R3HDM2: variants seen among roughly 807,000 people sequenced by gnomAD.
R3HDM2 encodes the protein R3H domain containing 2, also known as R3H domain-containing protein 2.
R3HDM2 carries 38 observed loss-of-function variants against 124.5 expected under a neutral mutation model. The ratio of observed to expected loss-of-function variants is 0.31; its 90% CI spans 0.24 to 0.40. The LOEUF (loss-of-function observed/expected upper bound fraction) is 0.40, where lower values mean the gene tolerates loss of function less well. R3HDM2 is among the 10% of genes least tolerant of loss of function. The pLI is 1.00. For missense variants in R3HDM2, 869 were observed against 1,236.9 expected, an observed-to-expected ratio of 0.70 and a Z score of 4.46; for synonymous variants, 391 against 448.0, an observed-to-expected ratio of 0.87 and a Z score of 1.61.
chr12:57,417,847 T>C (rs949429081), intron 1 of R3HDM2, among the ~76,000 whole-genome samples: 1 of 152,182 alleles, frequency 6.6e-6, no homozygotes, highest in Non-Finnish European at 1.5e-5. Context: ...TAGGCTACCT[T>C]GGTCCCAAAA....
chr12:57,330,497 C>A (rs1378076728), intron 2 of R3HDM2, among the ~76,000 whole-genome samples: 1 of 150,532 alleles, frequency 6.6e-6, no homozygotes, highest in African/African-American at 2.4e-5. Context: ...GCACGCACCA[C>A]CACGCCCAGC....
chr12:57,282,313 GGAAA>G (rs2046353544), intron 13 of R3HDM2, among the ~76,000 whole-genome samples: 1 of 141,960 alleles, frequency 7.0e-6, no homozygotes, highest in African/African-American at 2.6e-5. Flanking sequence ...AAAAAAAAAA[GGAAA>G]GAAAGAAATG....
At chr12:57,279,314 C>A (rs1335734495) in intron 14 of R3HDM2, among the ~76,000 whole-genome samples, 1 of 150,978 alleles carries the variant, frequency 6.6e-6, no homozygotes, top group African/African-American at 2.4e-5. Flanking sequence ...TCCCTAGTAG[C>A]TGGGATTACA....
At chr12:57,324,844 A>ATGTGACTG (rs1389631815) in intron 2 of R3HDM2, among the ~76,000 whole-genome samples, 10 of 152,216 alleles carry the variant, frequency 6.6e-5, no homozygotes, top group African/African-American at 2.2e-4. Flanking sequence ...GTACCTCAGA[A>ATGTGACTG]TGTGACTGTA....
rs1230027199 is a variant in R3HDM2 at position 57,299,402 on chromosome 12, T to A, written c.371A>T (p.Glu124Val). 6.5e-7 allele frequency: 1 copy of A among 1,547,948 alleles called. No homozygotes were observed. The highest frequency in any genetic ancestry group is 2.4e-5 in the East Asian group (1 of 40,898). The change falls in exon 6 of 24, where the codon GAA becomes GTA. Residue 124 changes from glutamate to valine, a missense_variant. Physicochemically the swap from Glu to Val is moderately radical, Grantham distance 121 (BLOSUM62 -2). Around this residue, in one of 2 missense-constraint regions of R3HDM2, gnomAD observed 267 missense variants for 447.7 expected, o/e 0.60. Coordinates refer to ENST00000402412, the MANE Select transcript of R3HDM2 (RefSeq NM_001394031.1). ...CTTTTCTTTGTTTTTGTCCTTGTCT[T>A]CCTTTTCAGAGACATCTTTTGTGGA... ...EKSTKDVSEK[E>V]DKDKNKEKIP...
At position 57,299,247 on chromosome 12, in the gene R3HDM2, A is replaced by G. The variant is rs993384163; in HGVS notation, c.421+105T>C. Reference sequence around the variant, plus strand: ...TCTCCTCAAGCAACCAAGTTAGCAGAACACTACAAATTGATGGGCCAGTAA... The same window carrying G: ...TCTCCTCAAGCAACCAAGTTAGCAGGACACTACAAATTGATGGGCCAGTAA... On this transcript the variant is annotated intron_variant, in intron 6 of 23. Transcript: ENST00000402412. 4.6e-6 allele frequency: 6 copies of G among 1,300,354 alleles called. 1 individual carries two copies. The Admixed American group carries it at 1.5e-4, about 33-fold the overall frequency. 80.6% of individuals were successfully genotyped at this position (1,300,354 alleles called of 1,614,324 possible). A position where few individuals can be genotyped will look rare whatever the true frequency, so the allele number is the denominator to read the frequency against.
chr12:57,430,683 C>T, intron 1 of R3HDM2, 37 bp downstream of exon 1: 1 of 722,320 alleles, frequency 1.4e-6, no homozygotes, highest in Non-Finnish European at 1.7e-6. Context: ...ACAGGCCGTC[C>T]GGGCCGCCCG....
At chr12:57,288,398 A>C (rs11172143) in intron 12 of R3HDM2, among the ~76,000 whole-genome samples, 64,451 of 147,470 alleles carry the variant, frequency 0.44, 13,963 homozygotes, top group Middle Eastern at 0.72. Flanking sequence ...CTCTCTCTCT[A>C]TATATATATA....
At chr12:57,280,693 G>A (rs1263806955) in intron 13 of R3HDM2, among the ~76,000 whole-genome samples, 163 bp from the exon 14 acceptor site, 1 of 152,118 alleles carries the variant, frequency 6.6e-6, no homozygotes. Flanking sequence ...GAGCACAGAT[G>A]CATTTCAGCT....
intron 7 of R3HDM2, 121 bp downstream of exon 7, chr12:57,297,969 G>A (rs1428070415): frequency 1.4e-6 from 1 of 728,078 alleles, no homozygotes; most frequent in Non-Finnish European, 2.5e-6. Context: ...ACAAATACTA[G>A]GGGGACAGGA....
chr12:57,362,507 A>C (rs761797522), intron 2 of R3HDM2, among the ~76,000 whole-genome samples: 1 of 152,194 alleles, frequency 6.6e-6, no homozygotes, highest in Admixed American at 6.6e-5. Flanking sequence ...GTTACTGGTA[A>C]GGCTTCTAGT....
chr12:57,298,362 A>G (rs1278492430), intron 6 of R3HDM2, among the ~76,000 whole-genome samples, 194 bp from the exon 7 acceptor site: 1 of 152,188 alleles, frequency 6.6e-6, no homozygotes, highest in Non-Finnish European at 1.5e-5. Flanking sequence ...GAATGACAGA[A>G]GAAAGAATCT....
At chr12:57,300,584 C>T (rs2050899917) in intron 4 of R3HDM2, among the ~76,000 whole-genome samples, 1 of 152,188 alleles carries the variant, frequency 6.6e-6, no homozygotes, top group South Asian at 2.1e-4. Flanking sequence ...TACTTACAAG[C>T]TATGAGACCC....
chr12:57,284,146 A>T, intron 12 of R3HDM2, 90 bp from the exon 13 acceptor site: 1 of 1,134,086 alleles, frequency 8.8e-7, no homozygotes, highest in East Asian at 2.6e-5. Flanking sequence ...CTCAATAACA[A>T]AGAATGGGTA....
intron 2 of R3HDM2, among the ~76,000 whole-genome samples, chr12:57,386,626 C>G (rs997423411): frequency 2.6e-5 from 4 of 152,238 alleles, no homozygotes; most frequent in East Asian, 3.9e-4. Flanking sequence ...CCCAGTCCCA[C>G]GGACAGCCTA....
intron 2 of R3HDM2, among the ~76,000 whole-genome samples, chr12:57,377,869 C>T (rs1273785876): frequency 1.3e-5 from 2 of 152,174 alleles, no homozygotes; most frequent in Non-Finnish European, 2.9e-5. Flanking sequence ...GGGCGGATTG[C>T]TTGAGGTCAG....
At chr12:57,270,452 G>A (rs562049584) in intron 14 of R3HDM2, among the ~76,000 whole-genome samples, 1 of 150,062 alleles carries the variant, frequency 6.7e-6, no homozygotes, top group South Asian at 2.1e-4. Context: ...TTTTGAGATG[G>A]AGTTTTGGTT....
At chr12:57,342,246 G>A (rs1029730238) in intron 2 of R3HDM2, among the ~76,000 whole-genome samples, 7 of 152,044 alleles carry the variant, frequency 4.6e-5, no homozygotes, top group African/African-American at 9.7e-5. Context: ...CTGTTCTGCC[G>A]GAATTTTGCC....
intron 2 of R3HDM2, among the ~76,000 whole-genome samples, chr12:57,332,133 G>C (rs2058277776): frequency 1.3e-5 from 2 of 151,606 alleles, no homozygotes; most frequent in South Asian, 4.2e-4. Flanking sequence ...ACAGTGGCCA[G>C]GTATGATGAT....
Sources: allele counts gnomAD v4.1 joint callset (sites outside exome capture counted in the v4.1 genomes callset), GRCh38; gene constraint gnomAD v4.1.1; regional missense constraint gnomAD v4.1.1; transcripts MANE v1.5; gene names NCBI Gene and HGNC (gene_info 2026-07-23, HGNC 2026-07-21).